Variants in STT3B observed in about 807,000 individuals in gnomAD.
STT3B encodes the protein dolichyl-diphosphooligosaccharide--protein glycosyltransferase subunit STT3B.
STT3B carries 29 observed loss-of-function variants against 96.8 expected under a neutral mutation model. The ratio of observed to expected loss-of-function variants is 0.30; its 90% CI spans 0.22 to 0.41. The LOEUF is 0.41. STT3B is among the 10% of genes least tolerant of loss of function. The probability of loss-of-function intolerance (pLI) is 1.00; values close to 1 mark genes in which losing one functional copy is unlikely to be tolerated. For missense variants in STT3B, 640 were observed against 1,022.3 expected, an observed-to-expected ratio of 0.63 and a Z score of 5.10; for synonymous variants, 367 against 360.0, an observed-to-expected ratio of 1.02 and a Z score of -0.22.
chr3:31,632,955 A>G lies in STT3B; in HGVS notation c.2208A>G (p.Pro736=). The change falls in exon 15 of 16, where the codon CCA becomes CCG. Residue 736 remains proline, a synonymous_variant. Coordinates refer to ENST00000295770, the MANE Select transcript of STT3B (RefSeq NM_178862.3). ...TGCAGCTGGATTTTCGTACACCCCC[A>G]GGTTTTGACCGAACACGTAATGCTG... ...GEMQLDFRTP[P]GFDRTRNAEI... 1 of 1,613,992 alleles carries G rather than the reference A, an allele frequency of 6.2e-7. No individual in the cohort carries two copies. Among genetic ancestry groups the G allele is most frequent in the Non-Finnish European group, 8.5e-7 (1 of 1,179,918 alleles).
intron 1 of STT3B, among the ~76,000 whole-genome samples, chr3:31,550,112 C>T (rs188917996): frequency 8.5e-5 from 13 of 152,162 alleles, no homozygotes; most frequent in African/African-American, 3.1e-4. Context: ...AATAGACCCT[C>T]CTTTTTCAAA....
At chr3:31,578,764 A>T (rs1698313796) in intron 2 of STT3B, among the ~76,000 whole-genome samples, 1 of 151,960 alleles carries the variant, frequency 6.6e-6, no homozygotes, top group Non-Finnish European at 1.5e-5. Flanking sequence ...GCTGGGGAAA[A>T]ATTTCCTGCT....
intron 1 of STT3B, among the ~76,000 whole-genome samples, chr3:31,551,411 T>G (rs756002260): frequency 2.6e-5 from 4 of 152,026 alleles, no homozygotes; most frequent in Non-Finnish European, 5.9e-5. Context: ...AGAGACAGGT[T>G]TTGCCATGTT....
intron 3 of STT3B, among the ~76,000 whole-genome samples, chr3:31,592,363 C>T (rs956788368): frequency 9.2e-5 from 14 of 152,202 alleles, no homozygotes; most frequent in African/African-American, 3.1e-4. Context: ...TCATCTGCAG[C>T]TGGACACTTT....
intron 2 of STT3B, among the ~76,000 whole-genome samples, chr3:31,577,413 T>C (rs1698288177): frequency 6.6e-6 from 1 of 152,144 alleles, no homozygotes. Flanking sequence ...AATGTATCTT[T>C]ATTTTCATTA....
intron 14 of STT3B, among the ~76,000 whole-genome samples, chr3:31,629,969 A>C (rs527340274): frequency 1.6e-4 from 25 of 152,308 alleles, no homozygotes; most frequent in Middle Eastern, 3.4e-3. Flanking sequence ...GAAACAATGG[A>C]CTTGATGTCA....
chr3:31,617,883 A>C (rs1271986763), intron 7 of STT3B, 57 bp from the exon 8 acceptor site: 5 of 1,194,826 alleles, frequency 4.2e-6, no homozygotes, highest in Non-Finnish European at 6.2e-6. Flanking sequence ...AAGGCAATAA[A>C]AGATTTACAA....
intron 14 of STT3B, among the ~76,000 whole-genome samples, chr3:31,631,451 C>G (rs539043286): frequency 1.6e-4 from 25 of 152,320 alleles, no homozygotes; most frequent in Middle Eastern, 3.4e-3. Flanking sequence ...CACTACTGAT[C>G]ACGTTGAAGG....
At chr3:31,540,568 C>A (rs1352733231) in intron 1 of STT3B, among the ~76,000 whole-genome samples, 1 of 152,112 alleles carries the variant, frequency 6.6e-6, no homozygotes, top group African/African-American at 2.4e-5. Context: ...GCTATCCCTG[C>A]AACCTATAAA....
chr3:31,591,912 T>C (rs1052896821), intron 3 of STT3B, among the ~76,000 whole-genome samples: 1 of 152,132 alleles, frequency 6.6e-6, no homozygotes, highest in African/African-American at 2.4e-5. Flanking sequence ...TCTGCTGTAA[T>C]GGGATTTTTC....
intron 4 of STT3B, among the ~76,000 whole-genome samples, chr3:31,598,341 G>A (rs929207253): frequency 1.3e-5 from 2 of 152,148 alleles, no homozygotes; most frequent in East Asian, 1.9e-4. Context: ...ACTGCTTAAT[G>A]TTAAAATCTG....
chr3:31,539,691 G>A (rs780901564), intron 1 of STT3B, among the ~76,000 whole-genome samples: 2 of 152,122 alleles, frequency 1.3e-5, no homozygotes, highest in Admixed American at 6.6e-5. Flanking sequence ...TTGATGGAGC[G>A]AAGAGATGAG....
chr3:31,616,591 T>C (rs1699311611), intron 6 of STT3B, among the ~76,000 whole-genome samples: 1 of 151,898 alleles, frequency 6.6e-6, no homozygotes, highest in Admixed American at 6.6e-5. Flanking sequence ...TTTGAAAAAT[T>C]ACTTCCCTCC....
chr3:31,584,515 A>G (rs142676604), intron 3 of STT3B, among the ~76,000 whole-genome samples: 388 of 152,244 alleles, frequency 2.5e-3, no homozygotes, highest in Non-Finnish European at 4.3e-3. Flanking sequence ...TGTAGAATAC[A>G]ATATGGAGCA....
intron 1 of STT3B, among the ~76,000 whole-genome samples, chr3:31,546,561 TACAC>T (rs1697417804): frequency 6.6e-6 from 1 of 152,314 alleles, no homozygotes; most frequent in East Asian, 1.9e-4. Context: ...GTTCTCAAAA[TACAC>T]ACAGACCTAG....
intron 6 of STT3B, among the ~76,000 whole-genome samples, chr3:31,615,933 G>A (rs1007384199): frequency 1.3e-5 from 2 of 151,576 alleles, no homozygotes; most frequent in Admixed American, 6.6e-5. Flanking sequence ...TTGAGAATCC[G>A]TTTTTGCGAC....
rs570825354 is a variant in STT3B at position 31,609,236 on chromosome 3, A to G, written c.878-5869A>G. Among the ~76,000 whole-genome samples the G allele has an allele frequency of 7.2e-4, 110 of 151,916 alleles. 2 individuals carry two copies. The South Asian group carries it at 0.022, about 31-fold the overall frequency. ...TCTTTTTTTATTTTTTGTTTGTTTT[A>G]CTCTCTTCTTTATGAGTGAATTAAA... On this transcript the variant is annotated intron_variant, in intron 5 of 15. Transcript: ENST00000295770.
intron 9 of STT3B, among the ~76,000 whole-genome samples, chr3:31,620,658 G>A (rs956483383): frequency 1.3e-5 from 2 of 152,166 alleles, no homozygotes; most frequent in Admixed American, 6.5e-5. Context: ...GACAAAATAA[G>A]CAGATATCAA....
chr3:31,634,570 C>G (rs960894387), intron 15 of STT3B, among the ~76,000 whole-genome samples: 3 of 152,148 alleles, frequency 2.0e-5, no homozygotes, highest in South Asian at 4.1e-4. Context: ...TTTATACTTC[C>G]CTTTCTCTAT....
Sources: allele counts gnomAD v4.1 joint callset (sites outside exome capture counted in the v4.1 genomes callset), GRCh38; gene constraint gnomAD v4.1.1; transcripts MANE v1.5; gene names NCBI Gene and HGNC (gene_info 2026-07-23, HGNC 2026-07-21).